ZNF217: variants seen among roughly 807,000 people sequenced by gnomAD.
ZNF217 encodes zinc finger protein 217.
In ZNF217, 12 loss-of-function variants were observed where a neutral mutation model predicts 73.3. The ratio of observed to expected loss-of-function variants is 0.16; its 90% CI spans 0.10 to 0.27. The LOEUF is 0.27. Among genes scored for constraint, ZNF217 ranks in the 10% least tolerant of loss-of-function variants. ZNF217 has a pLI of 1.00. For missense variants in ZNF217, 1,195 were observed against 1,327.8 expected, an observed-to-expected ratio of 0.90 and a Z score of 1.55; for synonymous variants, 588 against 516.4, an observed-to-expected ratio of 1.14 and a Z score of -1.88.
Position 53,576,972 on chromosome 20 carries a change from C to G in ZNF217, c.1792G>C (p.Asp598His), listed in dbSNP as rs1275444818. The G allele has an allele frequency of 6.2e-7, 1 of 1,614,162 alleles. No homozygotes were observed. The highest frequency in any genetic ancestry group is 1.7e-5 in the Admixed American group (1 of 60,016). Residue 598 changes from aspartate to histidine, a missense_variant, in exon 4 of 6, where the codon GAT (aspartate) becomes CAT (histidine). Coordinates refer to ENST00000371471, the MANE Select transcript of ZNF217 (RefSeq NM_006526.3). ...GCATTTTTATGGAAATCCTGAGTAT[C>G]TTTGTGTGCTGGTGAGAGGACAGCG... ...GSAVLSPAHKDTQDFHKNAAD... is the reference protein window; with the variant it reads ...GSAVLSPAHKHTQDFHKNAAD...
chr20:53,590,341 C>T (rs943091224), intron 1 of ZNF217, among the ~76,000 whole-genome samples: 1 of 152,118 alleles, frequency 6.6e-6, no homozygotes, highest in Non-Finnish European at 1.5e-5. Context: ...CGATTTAAAA[C>T]AAATCATACC....
At chr20:53,592,135 T>C (rs922006602) in intron 1 of ZNF217, among the ~76,000 whole-genome samples, 5 of 152,278 alleles carry the variant, frequency 3.3e-5, no homozygotes, top group African/African-American at 1.2e-4. Context: ...ACATACAGCT[T>C]AATGCTTCCA....
chr20:53,592,264 G>A (rs1312962125), intron 1 of ZNF217, among the ~76,000 whole-genome samples: 1 of 152,140 alleles, frequency 6.6e-6, no homozygotes, highest in East Asian at 1.9e-4. Flanking sequence ...TCCGTGTTTA[G>A]GAATGTTCAA....
Position 53,582,116 on chromosome 20 carries a change from C to G in ZNF217, c.711G>C (p.Val237=). The change falls in exon 2 of 6, where the codon GTG becomes GTC. Residue 237 remains valine, a synonymous_variant. Coordinates refer to ENST00000371471, the MANE Select transcript of ZNF217 (RefSeq NM_006526.3). The surrounding 1 kb of genome is among the most constrained non-coding windows in gnomAD (Gnocchi z 4.8). The stretch of plus-strand genomic sequence containing the variant: ...TACCGAAAGCAGTTTTTTTGGTGTG[C>G]ACCTTGCGGTGCTCAATTAGACTTT... ...NKESLIEHRK[V]HTKKTAFGTS... 3 of 1,614,186 alleles carry G rather than the reference C, an allele frequency of 1.9e-6. No individual in the cohort carries two copies. The highest frequency in any genetic ancestry group is 1.1e-5 in the South Asian group (1 of 91,086).
intron 1 of ZNF217, among the ~76,000 whole-genome samples, chr20:53,592,235 G>A (rs1988899228): frequency 6.6e-6 from 1 of 152,166 alleles, no homozygotes; most frequent in Non-Finnish European, 1.5e-5. Context: ...GTGGACCACT[G>A]CAACCGCCAT....
Position 53,581,619 on chromosome 20 carries a change from G to T in ZNF217, c.1208C>A (p.Ala403Asp). 6.2e-7 allele frequency: 1 copy of T among 1,614,198 alleles called. No individual in the cohort carries two copies. The highest frequency in any genetic ancestry group is 8.5e-7 in the Non-Finnish European group (1 of 1,180,022). Residue 403 changes from alanine (A) to aspartate (D), a missense_variant, in exon 2 of 6, where the codon GCC becomes GAC. Around this residue, in one of 9 missense-constraint regions of ZNF217, gnomAD observed 116 missense variants for 121.9 expected, o/e 0.95. Transcript: ENST00000371471. The surrounding 1 kb of genome is among the most constrained non-coding windows in gnomAD (Gnocchi z 4.9). The part of the protein sequence containing the change: ...HSRVHKKDRR[A>D]GAESPTMSVD... ...AGACATGGTGGGCGACTCCGCGCCGGCCCTCCGGTCCTTCTTGTGGACCCT... is the reference window on the plus strand; with the variant it reads ...AGACATGGTGGGCGACTCCGCGCCGTCCCTCCGGTCCTTCTTGTGGACCCT...
rs770416964 is a variant in ZNF217 at position 53,576,910 on chromosome 20, A to G, written c.1854T>C (p.Pro618=). ...DDSADKVNKN[P]TPAYLDLLKK... ...TTAACAGGTCCAGGTAAGCAGGGGT[A>G]GGGTTTTTATTCACTTTATCAGCAC... The change falls in exon 4 of 6, where the codon CCT becomes CCC. Residue 618 remains proline (P), a synonymous_variant. Transcript: ENST00000371471. 1.2e-6 allele frequency: 2 copies of G among 1,614,072 alleles called. No homozygotes were observed. Among genetic ancestry groups the G allele is most frequent in the African/African-American group, 1.3e-5 (1 of 74,932 alleles).
intron 1 of ZNF217, among the ~76,000 whole-genome samples, chr20:53,584,801 T>C (rs1988631459): frequency 6.6e-6 from 1 of 152,202 alleles, no homozygotes; most frequent in African/African-American, 2.4e-5. Flanking sequence ...TTTCTATACA[T>C]AGAAGCTTAA....
chr20:53,571,731 C>T lies in ZNF217; in HGVS notation c.*13G>A. 3 of 1,604,746 alleles carry T rather than the reference C, an allele frequency of 1.9e-6. No homozygotes were observed. Among genetic ancestry groups the T allele is most frequent in the Non-Finnish European group, 2.5e-6 (3 of 1,177,432 alleles). ...GAAACATATGCTCACCTTTTTTCCC[C>T]CTAATTAGTGAATCAAGTTTTTTTG... On this transcript the variant is annotated 3_prime_UTR_variant, in exon 5 of 6. Transcript: ENST00000371471.
chr20:53,596,792 A>G (rs1317252200), upstream of ZNF217, among the ~76,000 whole-genome samples: 3 of 151,956 alleles, frequency 2.0e-5, no homozygotes, highest in African/African-American at 7.3e-5. Context: ...ACTAGATGCC[A>G]GCAAAAAAAC....
chr20:53,579,147 T>A (rs1398298460), intron 2 of ZNF217, among the ~76,000 whole-genome samples: 1 of 152,170 alleles, frequency 6.6e-6, no homozygotes, highest in Non-Finnish European at 1.5e-5. Context: ...TGCAGGACAA[T>A]AGGACAATGT....
chr20:53,585,370 G>A (rs1451537243), intron 1 of ZNF217, among the ~76,000 whole-genome samples: 1 of 152,042 alleles, frequency 6.6e-6, no homozygotes, highest in Non-Finnish European at 1.5e-5. Context: ...GACCAGCCTG[G>A]CCAACATGGT....
chr20:53,578,296 TTAAC>T, intron 3 of ZNF217, 34 bp downstream of exon 3: 2 of 1,389,516 alleles, frequency 1.4e-6, no homozygotes, highest in African/African-American at 1.5e-5. Flanking sequence ...ACTACATAAT[TTAAC>T]TAATGCATGG....
chr20:53,591,641 A>C (rs979944726), intron 1 of ZNF217, among the ~76,000 whole-genome samples: 1 of 152,246 alleles, frequency 6.6e-6, no homozygotes, highest in African/African-American at 2.4e-5. Flanking sequence ...ATGACTTCCC[A>C]GAAGGAAAAA....
Position 53,571,840 on chromosome 20 carries a change from C to A in ZNF217, c.3051G>T (p.Val1017=). The change falls in exon 5 of 6, where the codon GTG becomes GTT. Residue 1017 remains valine, a synonymous_variant. Coordinates refer to ENST00000371471, the MANE Select transcript of ZNF217 (RefSeq NM_006526.3). ...SSSTLEGKRP[V]SYQHLSNSMA... ...TGCTGTTAGATAAGTGTTGATATGA[C>A]ACAGGCCTTTTTCCTGATTGAAAAA... 6.2e-7 allele frequency: 1 copy of A among 1,600,516 alleles called. No individual in the cohort carries two copies. The highest frequency in any genetic ancestry group is 1.8e-5 in the Admixed American group (1 of 56,912).
chr20:53,592,836 TAAAA>T (rs1279504231), intron 1 of ZNF217, among the ~76,000 whole-genome samples: 1 of 115,592 alleles, frequency 8.7e-6, no homozygotes, highest in African/African-American at 3.2e-5. Flanking sequence ...AAACTTCCCT[TAAAA>T]AAAAAAAAAA....
rs1212165943 is a variant in ZNF217, at chr20:53,567,208, T to A, written c.*2080A>T. 3.3e-5 allele frequency: 5 copies of A among 152,368 alleles called. No homozygotes were observed. The highest frequency in any genetic ancestry group is 7.4e-5 in the Non-Finnish European group (5 of 68,000). 9.4% of individuals were successfully genotyped at this position (152,368 alleles called of 1,614,324 possible). On this transcript the variant is annotated 3_prime_UTR_variant, in exon 6 of 6. Coordinates refer to ENST00000371471, the MANE Select transcript of ZNF217 (RefSeq NM_006526.3). The stretch of plus-strand genomic sequence containing the variant: ...ACAATTAAAATAAATCAAACTGGAA[T>A]GAAATAAATACATAAACAAAAATCC...
chr20:53,593,219 C>T (rs1297855851), intron 1 of ZNF217, among the ~76,000 whole-genome samples: 1 of 152,142 alleles, frequency 6.6e-6, no homozygotes, highest in African/African-American at 2.4e-5. Flanking sequence ...CGCCCTCCGC[C>T]CGGCCCGAGT....
Position 53,569,130 on chromosome 20 carries a change from T to TACA in ZNF217, c.*157_*158insTGT. The TACA allele has an allele frequency of 1.5e-6, 2 of 1,335,314 alleles. No homozygotes were observed. The highest frequency in any genetic ancestry group is 2.0e-6 in the Non-Finnish European group (2 of 1,006,950). The allele number at this position is 1,335,314 out of a possible 1,614,324, so 82.7% of individuals were successfully genotyped here. ...ACAGAACAACTTTACACAACTGTAG[T>TACA]GTTCCTTGCAGATTCCTCATATGTT... On this transcript the variant is annotated 3_prime_UTR_variant, in exon 6 of 6. Transcript: ENST00000371471.
Sources: gnomAD v4.1 joint callset for allele counts (sites outside exome capture counted in the v4.1 genomes callset) on GRCh38, gnomAD v4.1.1 for gene constraint, gnomAD v4.1.1 regional missense constraint, Gnocchi (gnomAD v3.1) non-coding constraint, MANE v1.5 for transcripts, NCBI Gene and HGNC (gene_info 2026-07-23, HGNC 2026-07-21) for gene names.